Variants in SLC15A2 observed in about 807,000 individuals in gnomAD.
SLC15A2 encodes the protein solute carrier family 15 member 2.
A neutral mutation model predicts 95.5 loss-of-function variants in SLC15A2; 77 were observed. That is an observed-to-expected ratio of 0.81 (90% CI 0.67 to 0.97). The LOEUF is 0.97. SLC15A2 is among the 50% of genes least tolerant of loss of function. SLC15A2 has a pLI of 0.00. For missense variants in SLC15A2, 893 were observed against 874.4 expected, an observed-to-expected ratio of 1.02 and a Z score of -0.27; for synonymous variants, 306 against 306.9, an observed-to-expected ratio of 1.00 and a Z score of 0.03.
intron 13 of SLC15A2, among the ~76,000 whole-genome samples, chr3:121,926,723 CTCCAGACCCCAG>C (rs1392807962): frequency 1.3e-5 from 2 of 152,350 alleles, no homozygotes; most frequent in African/African-American, 2.4e-5. Flanking sequence ...GGCCACCATC[CTCCAGACCCCAG>C]AATGATAGAC....
chr3:121,935,011 A>G (rs1207466274), intron 19 of SLC15A2, among the ~76,000 whole-genome samples: 5 of 152,140 alleles, frequency 3.3e-5, no homozygotes, highest in African/African-American at 1.2e-4. Context: ...TTCTGCATCT[A>G]TTGAGATAAT....
At chr3:121,923,343 G>C in intron 11 of SLC15A2, 77 bp downstream of exon 11, 1 of 1,433,588 alleles carries the variant, frequency 7.0e-7, no homozygotes, top group Non-Finnish European at 9.7e-7. Flanking sequence ...ATTTCTTTGT[G>C]ATTTTGCCTG....
chr3:121,941,092 TAGC>T lies in SLC15A2; in HGVS notation c.*90_*92del. 8.0e-7 allele frequency: 1 copy of T among 1,251,778 alleles called. No individual in the cohort carries two copies. The highest frequency in any genetic ancestry group is 2.3e-5 in the Admixed American group (1 of 43,058). 77.5% of individuals were successfully genotyped at this position (1,251,778 alleles called of 1,614,324 possible). A position where few individuals can be genotyped will look rare whatever the true frequency, so the allele number is the denominator to read the frequency against. Reference sequence around the variant, plus strand: ...CTTCTACTGGATTAGACAAGAGAGATAGCAGCATATCAGAGCTGATCTCCTCCA... The same window carrying T: ...CTTCTACTGGATTAGACAAGAGAGATAGCATATCAGAGCTGATCTCCTCCA... On this transcript the variant is annotated 3_prime_UTR_variant, in exon 22 of 22. Transcript: ENST00000489711.
intron 3 of SLC15A2, among the ~76,000 whole-genome samples, chr3:121,905,164 T>C (rs543150824): frequency 6.6e-6 from 1 of 152,348 alleles, no homozygotes; most frequent in East Asian, 1.9e-4. Flanking sequence ...TCTCTGATGG[T>C]AGTTTGTATT....
chr3:121,937,260 G>T (rs1193003946), intron 19 of SLC15A2, among the ~76,000 whole-genome samples: 1 of 77,042 alleles, frequency 1.3e-5, no homozygotes, highest in Non-Finnish European at 2.6e-5. Flanking sequence ...TGCTCTTCTC[G>T]AGGAGTATCT....
At chr3:121,901,578 G>A (rs1709520716) in intron 3 of SLC15A2, among the ~76,000 whole-genome samples, 1 of 152,128 alleles carries the variant, frequency 6.6e-6, no homozygotes, top group Non-Finnish European at 1.5e-5. Flanking sequence ...TTGTTCTCCT[G>A]TAGTCATGTT....
chr3:121,906,490 C>T (rs1402705216), intron 3 of SLC15A2, among the ~76,000 whole-genome samples: 1 of 152,204 alleles, frequency 6.6e-6, no homozygotes, highest in African/African-American at 2.4e-5. Context: ...TTTGCAGTGG[C>T]TGGTACCAGC....
chr3:121,929,919 T>C (rs571148470), intron 17 of SLC15A2, among the ~76,000 whole-genome samples: 3 of 152,248 alleles, frequency 2.0e-5, no homozygotes, highest in African/African-American at 7.2e-5. Flanking sequence ...GATACACAGG[T>C]CTATGGCCAC....
chr3:121,935,510 G>C (rs1710323709), intron 19 of SLC15A2, among the ~76,000 whole-genome samples: 1 of 152,122 alleles, frequency 6.6e-6, no homozygotes, highest in Non-Finnish European at 1.5e-5. Flanking sequence ...TATGTGTCCA[G>C]GAATTTATCC....
Position 121,940,917 on chromosome 3 carries a change from G to T in SLC15A2, c.2100G>T (p.Lys700Asn), listed in dbSNP as rs150691938. 6.1e-5 allele frequency: 99 copies of T among 1,614,058 alleles called. No individual in the cohort carries two copies. The highest frequency in any genetic ancestry group is 8.0e-5 in the Non-Finnish European group (94 of 1,180,024). The change falls in exon 22 of 22, where the codon AAG (lysine) becomes AAT (asparagine). Residue 700 changes from lysine (K) to asparagine (N), a missense_variant. Transcript: ENST00000489711. ...TGGGCTACTACTATGTTCCTGTAAA[G>T]ACAGAGGATATGCGGGGTCCAGCAG... ...SIMGYYYVPVKTEDMRGPADK... is the reference protein window; with the variant it reads ...SIMGYYYVPVNTEDMRGPADK...
At chr3:121,911,898 A>T (rs181504404) in intron 4 of SLC15A2, among the ~76,000 whole-genome samples, 1 of 152,304 alleles carries the variant, frequency 6.6e-6, no homozygotes, top group East Asian at 1.9e-4. Context: ...GCTTGAAAAT[A>T]ATCAAAACCT....
intron 7 of SLC15A2, among the ~76,000 whole-genome samples, chr3:121,919,872 A>C (rs925956106): frequency 3.9e-5 from 6 of 152,274 alleles, no homozygotes; most frequent in African/African-American, 1.4e-4. Flanking sequence ...CAGTATAATC[A>C]GTATGAAAAC....
chr3:121,941,919 C>T lies in SLC15A2; in HGVS notation c.*912C>T, dbSNP rs1428229075. The T allele has an allele frequency of 6.6e-6, 1 of 152,198 alleles. No homozygotes were observed. Among genetic ancestry groups the T allele is most frequent in the Non-Finnish European group, 1.5e-5 (1 of 68,030 alleles). 9.4% of individuals were successfully genotyped at this position (152,198 alleles called of 1,614,324 possible). A position where few individuals can be genotyped will look rare whatever the true frequency, so the allele number is the denominator to read the frequency against. On this transcript the variant is annotated 3_prime_UTR_variant, in exon 22 of 22. Transcript: ENST00000489711. ...TTTCTTATTATTACACCTTGTCTTG[C>T]TTATTGCAGCAAATATTCAATAACA...
At chr3:121,925,314 A>G (rs1710093516) in intron 13 of SLC15A2, among the ~76,000 whole-genome samples, 1 of 152,118 alleles carries the variant, frequency 6.6e-6, no homozygotes, top group Non-Finnish European at 1.5e-5. Context: ...TGTGAAATTT[A>G]GCTCCTAAAC....
Position 121,922,285 on chromosome 3 carries a change from G to C in SLC15A2, c.763G>C (p.Val255Leu). 1 of 1,613,802 alleles carries C rather than the reference G, an allele frequency of 6.2e-7. No individual in the cohort carries two copies. The highest frequency in any genetic ancestry group is 8.5e-7 in the Non-Finnish European group (1 of 1,179,780). Residue 255 changes from valine to leucine, a missense_variant, in exon 8 of 22, where the codon GTT becomes CTT. By Grantham distance (32) the Val-to-Leu change is conservative. Transcript: ENST00000489711. ...CCCTGAAGGAAACATAGTGGCTCAA[G>C]TTTTCAAATGTATCTGGGTAAGTCC... is the stretch of plus-strand genomic sequence containing the variant. ...PPPEGNIVAQVFKCIWFAISN... is the reference protein window; with the variant it reads ...PPPEGNIVAQLFKCIWFAISN...
In SLC15A2 at chr3:121,911,432, G is replaced by C. The variant is rs1709764469; in HGVS notation, c.336-142G>C. On this transcript the variant is annotated intron_variant, in intron 3 of 21. Coordinates refer to ENST00000489711, the MANE Select transcript of SLC15A2 (RefSeq NM_021082.4). Reference sequence around the variant, plus strand: ...TCATTCACCATTATTGTCTCTATTTGGATTTCTCAGATAATTCTTTCCTCC... The same window carrying C: ...TCATTCACCATTATTGTCTCTATTTCGATTTCTCAGATAATTCTTTCCTCC... The C allele has an allele frequency of 1.3e-5, 8 of 614,914 alleles. No homozygotes were observed. In the South Asian group the frequency reaches 1.4e-4, roughly 11 times the overall value. The allele number at this position is 614,914 out of a possible 1,614,324, so 38.1% of individuals were successfully genotyped here.
chr3:121,904,616 T>G (rs2107574538), intron 3 of SLC15A2, among the ~76,000 whole-genome samples: 1 of 152,314 alleles, frequency 6.6e-6, no homozygotes, highest in South Asian at 2.1e-4. Flanking sequence ...AATCATGTGG[T>G]TTTTGTTGTT....
chr3:121,933,720 C>T (rs989147902), intron 19 of SLC15A2, among the ~76,000 whole-genome samples: 1 of 152,218 alleles, frequency 6.6e-6, no homozygotes, highest in African/African-American at 2.4e-5. Context: ...GTTGCCTATT[C>T]ACTCTGATGG....
chr3:121,910,220 G>T (rs1709736299), intron 3 of SLC15A2, among the ~76,000 whole-genome samples: 2 of 139,788 alleles, frequency 1.4e-5, no homozygotes, highest in African/African-American at 2.7e-5. Flanking sequence ...TTTTGAGACG[G>T]AGTCTTGCTC....
Sources: gnomAD v4.1 joint callset for allele counts (sites outside exome capture counted in the v4.1 genomes callset) on GRCh38, gnomAD v4.1.1 for gene constraint, MANE v1.5 for transcripts, NCBI Gene and HGNC (gene_info 2026-07-23, HGNC 2026-07-21) for gene names.